PRKAG2: variants seen among roughly 807,000 people sequenced by gnomAD.
The protein encoded by PRKAG2 is 5'-AMP-activated protein kinase subunit gamma-2.
A neutral mutation model predicts 69.6 loss-of-function variants in PRKAG2; 26 were observed. That is an observed-to-expected ratio of 0.37 (90% confidence interval 0.27 to 0.52). PRKAG2 has a LOEUF of 0.52. Ranked by LOEUF, PRKAG2 falls within the 20% of genes least tolerant of loss-of-function variation. The probability of loss-of-function intolerance (pLI) is 0.90; values close to 1 mark genes in which losing one functional copy is unlikely to be tolerated. For missense variants in PRKAG2, 557 were observed against 740.0 expected, an observed-to-expected ratio of 0.75 and a Z score of 2.87; for synonymous variants, 293 against 285.0, an observed-to-expected ratio of 1.03 and a Z score of -0.28.
intron 14 of PRKAG2, among the ~76,000 whole-genome samples, chr7:151,562,799 C>T (rs941262085): frequency 2.6e-5 from 4 of 151,770 alleles, no homozygotes; most frequent in Non-Finnish European, 5.9e-5. Context: ...AACCCCGTCT[C>T]TACTAAAAAT....
In PRKAG2 at chr7:151,781,279, G is replaced by A. The variant is rs754517784; in HGVS notation, c.339C>T (p.Ser113=). 4.3e-6 allele frequency: 7 copies of A among 1,614,112 alleles called. No homozygotes were observed. In the South Asian group the frequency reaches 7.7e-5, roughly 18 times the overall value. Reference sequence around the variant, plus strand: ...TCATGCGTCGAGGGGAGCGTGGCGGGGACTCCTGGTAGGAGAACGGGAACA... The same window carrying A: ...TCATGCGTCGAGGGGAGCGTGGCGGAGACTCCTGGTAGGAGAACGGGAACA... ...KTVFPFSYQE[S]PPRSPRRMSF... Residue 113 remains serine (S), a synonymous_variant, in exon 3 of 16, where the codon TCC becomes TCT. Transcript: ENST00000287878. This position sits in a 1 kb window ranked among gnomAD's most constrained non-coding sequence, Gnocchi z 6.1.
chr7:151,782,292 G>T (rs973175761), intron 2 of PRKAG2, among the ~76,000 whole-genome samples: 1 of 57,870 alleles, frequency 1.7e-5, no homozygotes, highest in Non-Finnish European at 3.9e-5. Flanking sequence ...CAAGAGAAAG[G>T]AAAGAAAGGA....
At chr7:151,853,575 A>G (rs2079631358) in intron 1 of PRKAG2, among the ~76,000 whole-genome samples, 1 of 152,066 alleles carries the variant, frequency 6.6e-6, no homozygotes, top group Non-Finnish European at 1.5e-5. Context: ...TGGCTAACAC[A>G]GTGAAATGCC....
intron 5 of PRKAG2, among the ~76,000 whole-genome samples, chr7:151,620,396 A>C (rs138163796): frequency 1.3e-5 from 2 of 152,134 alleles, no homozygotes; most frequent in East Asian, 3.9e-4. Context: ...GACTGGCCTC[A>C]AACTCCTGGG....
chr7:151,612,954 G>A lies in PRKAG2; in HGVS notation c.755-17500C>T, dbSNP rs185629578. 1.2e-3 allele frequency among the ~76,000 whole-genome samples: 184 copies of A among 152,294 alleles called. 3 individuals are homozygous for A. The South Asian group carries it at 0.018, about 15-fold the overall frequency. ...GCCTCCCAGGATGAGGGAGCTACAG[G>A]AGTAACCACCTGCCTCCTCTGGGGG... is the stretch of plus-strand genomic sequence containing the variant. On this transcript the variant is annotated intron_variant, in intron 5 of 15. Coordinates refer to ENST00000287878, the MANE Select transcript of PRKAG2 (RefSeq NM_016203.4).
In PRKAG2 at chr7:151,855,610, CCA is replaced by C. The variant is rs1241739984; in HGVS notation, c.114+20895_114+20896del. 8.0e-4 allele frequency among the ~76,000 whole-genome samples: 121 copies of C among 150,590 alleles called. 1 individual carries two copies. The highest frequency in any genetic ancestry group is 8.6e-4 in the Non-Finnish European group (58 of 67,326). On this transcript the variant is annotated intron_variant, in intron 1 of 15. Coordinates refer to ENST00000287878, the MANE Select transcript of PRKAG2 (RefSeq NM_016203.4). ...CACCACCCTCCACACACGCCACCCT[CCA>C]CACACACCACACTCCACACACCACC...
chr7:151,872,649 T>C (rs1419412766), intron 1 of PRKAG2, among the ~76,000 whole-genome samples: 1 of 152,230 alleles, frequency 6.6e-6, no homozygotes, highest in East Asian at 1.9e-4. Context: ...GGCTGGGCCA[T>C]TGGCCACCAA....
chr7:151,589,393 C>T (rs1346055253), intron 6 of PRKAG2, among the ~76,000 whole-genome samples: 1 of 152,174 alleles, frequency 6.6e-6, no homozygotes, highest in Non-Finnish European at 1.5e-5. Context: ...ACATGGGTCA[C>T]TGAGCCTCAT....
chr7:151,844,588 C>T (rs1337957433), intron 1 of PRKAG2, among the ~76,000 whole-genome samples: 5 of 152,274 alleles, frequency 3.3e-5, no homozygotes, highest in Middle Eastern at 3.4e-3. Context: ...AAACGTAGAA[C>T]AGACAATAAC....
chr7:151,621,298 T>C (rs746619162), intron 5 of PRKAG2, among the ~76,000 whole-genome samples: 1 of 152,230 alleles, frequency 6.6e-6, no homozygotes, highest in Non-Finnish European at 1.5e-5. Context: ...TGAAAAGTTT[T>C]ACAGAATTCA....
chr7:151,868,615 C>T (rs890283174), intron 1 of PRKAG2, among the ~76,000 whole-genome samples: 3 of 152,222 alleles, frequency 2.0e-5, no homozygotes, highest in Admixed American at 6.5e-5. Context: ...CCTGAAAGGA[C>T]GGCAGACAGC....
intron 3 of PRKAG2, among the ~76,000 whole-genome samples, chr7:151,732,804 T>C (rs1038026539): frequency 1.3e-5 from 2 of 152,194 alleles, no homozygotes; most frequent in Non-Finnish European, 2.9e-5. Context: ...GCAATTCTCC[T>C]GTCTCAGCCT....
intron 3 of PRKAG2, among the ~76,000 whole-genome samples, chr7:151,762,259 C>G (rs1320636693): frequency 6.6e-6 from 1 of 152,224 alleles, no homozygotes. Context: ...CTACACGCAT[C>G]TCCAGGGTGG....
chr7:151,649,871 T>C lies in PRKAG2; in HGVS notation c.685-17733A>G, dbSNP rs564771046. Among the ~76,000 whole-genome samples, 11 of 152,240 alleles carry C rather than the reference T, an allele frequency of 7.2e-5. 1 individual carries two copies. The highest frequency in any genetic ancestry group is 2.6e-4 in the African/African-American group (11 of 41,538). On this transcript the variant is annotated intron_variant, in intron 4 of 15. Transcript: ENST00000287878. ...AATTAAACCTCTTTCCTTTATAAAT[T>C]ACCCAGTCTCAGGTATTTATAGCAA...
At chr7:151,875,866 G>A (rs1437802483) in intron 1 of PRKAG2, among the ~76,000 whole-genome samples, 3 of 152,102 alleles carry the variant, frequency 2.0e-5, no homozygotes, top group African/African-American at 7.2e-5. Flanking sequence ...CAGCCTGCAC[G>A]GATTAGGGAG....
chr7:151,731,416 C>T (rs1418581923), intron 3 of PRKAG2, among the ~76,000 whole-genome samples: 2 of 152,214 alleles, frequency 1.3e-5, no homozygotes, highest in African/African-American at 4.8e-5. Flanking sequence ...ACATTTCCAG[C>T]GACAGCCACA....
In PRKAG2 at chr7:151,694,897, G is replaced by A. The variant is rs866421288; in HGVS notation, c.467-19260C>T. 5.3e-5 allele frequency among the ~76,000 whole-genome samples: 8 copies of A among 152,342 alleles called. 1 individual carries two copies. Among genetic ancestry groups the A allele is most frequent in the Middle Eastern group, 6.8e-3 (2 of 294 alleles). ...TCCGATGCAAACACCGCACCCACAC[G>A]TTTCCTGGGGATGCCCCAGTCCCTC... On this transcript the variant is annotated intron_variant, in intron 3 of 15. Coordinates refer to ENST00000287878, the MANE Select transcript of PRKAG2 (RefSeq NM_016203.4).
intron 14 of PRKAG2, among the ~76,000 whole-genome samples, chr7:151,561,757 A>G (rs1805015978): frequency 6.6e-6 from 1 of 151,204 alleles, no homozygotes; most frequent in South Asian, 2.1e-4. Flanking sequence ...ATATGGTGAA[A>G]CCCTGTCTCT....
intron 3 of PRKAG2, among the ~76,000 whole-genome samples, chr7:151,679,507 G>A (rs957780482): frequency 6.6e-6 from 1 of 152,108 alleles, no homozygotes; most frequent in Non-Finnish European, 1.5e-5. Context: ...GGCACTTCCC[G>A]GGGGCTGTGC....
Sources: allele counts gnomAD v4.1 joint callset (sites outside exome capture counted in the v4.1 genomes callset), GRCh38; gene constraint gnomAD v4.1.1; non-coding constraint Gnocchi (gnomAD v3.1); transcripts MANE v1.5; gene names NCBI Gene and HGNC (gene_info 2026-07-23, HGNC 2026-07-21).